Variants in BTBD1 observed in about 807,000 individuals in gnomAD.
The protein encoded by BTBD1 is BTB/POZ domain-containing protein 1.
BTBD1 carries 34 observed loss-of-function variants against 48.0 expected under a neutral mutation model. The ratio of observed to expected loss-of-function variants is 0.71; its 90% CI spans 0.54 to 0.94. The LOEUF is 0.94. Among genes scored for constraint, BTBD1 ranks in the 40% least tolerant of loss-of-function variants. The pLI is 0.00. For missense variants in BTBD1, 543 were observed against 625.6 expected, an observed-to-expected ratio of 0.87 and a Z score of 1.41; for synonymous variants, 261 against 242.1, an observed-to-expected ratio of 1.08 and a Z score of -0.72.
At chr15:83,060,284 A>T (rs1046126319) in intron 1 of BTBD1, among the ~76,000 whole-genome samples, 1 of 138,082 alleles carries the variant, frequency 7.2e-6, no homozygotes, top group Non-Finnish European at 1.7e-5. Flanking sequence ...ATAATATTTA[A>T]AAAAAAACTA....
intron 6 of BTBD1, chr15:83,020,153 C>T (rs190580656): frequency 6.6e-6 from 1 of 152,510 alleles, no homozygotes; most frequent in Admixed American, 6.6e-5. Flanking sequence ...TACCTGTGGT[C>T]CTAGCTACTT....
rs767575976 is a variant in BTBD1 at position 83,018,072 on chromosome 15, T to C, written c.1444A>G (p.Thr482Ala). The C allele has an allele frequency of 8.1e-6, 13 of 1,600,078 alleles. No individual in the cohort carries two copies. The African/African-American group carries it at 1.1e-4, about 13-fold the overall frequency. Residue 482 changes from threonine to alanine, a missense_variant, in exon 8 of 8, where the codon ACA becomes GCA. Physicochemically the swap from Thr to Ala is moderately conservative, Grantham distance 58. Around this residue, in one of 3 missense-constraint regions of BTBD1, gnomAD observed 300 missense variants for 350.0 expected, o/e 0.86. Transcript: ENST00000261721. Reference sequence around the variant, plus strand: ...AGATGTATTATAATGCTAAATTATGTATAAAATATGATTTCTGGAATTTGT... The same window carrying C: ...AGATGTATTATAATGCTAAATTATGCATAAAATATGATTTCTGGAATTTGT... Reference protein sequence around the residue: ...DGQIPEIIFYT With the variant: ...DGQIPEIIFYA
At chr15:83,056,245 A>C in intron 2 of BTBD1, 144 bp downstream of exon 2, 4 of 566,376 alleles carry the variant, frequency 7.1e-6, no homozygotes, top group Non-Finnish European at 1.2e-5. Context: ...CATATCTGAC[A>C]TGTTTCCCTG....
chr15:83,051,486 ATATTTT>A (rs2032980500), intron 2 of BTBD1, among the ~76,000 whole-genome samples: 1 of 149,430 alleles, frequency 6.7e-6, no homozygotes, highest in East Asian at 1.9e-4. Context: ...ATATATATAT[ATATTTT>A]AAGTTTAAAA....
intron 7 of BTBD1, 126 bp from the exon 8 acceptor site, chr15:83,018,351 C>G (rs912791467): frequency 2.4e-6 from 2 of 827,516 alleles, no homozygotes; most frequent in African/African-American, 3.5e-5. Context: ...TTTATGCTGT[C>G]ATTTAGAGAA....
chr15:83,047,651 C>T (rs987270898), intron 3 of BTBD1, among the ~76,000 whole-genome samples: 3 of 152,160 alleles, frequency 2.0e-5, no homozygotes, highest in African/African-American at 7.2e-5. Flanking sequence ...ACACTTTCTC[C>T]CATCTGCCAG....
intron 6 of BTBD1, 115 bp downstream of exon 6, chr15:83,020,560 G>A: frequency 1.4e-6 from 1 of 692,702 alleles, no homozygotes; most frequent in East Asian, 2.6e-5. Context: ...GCTACTAAGG[G>A]GCCTTCTGAT....
rs1316750059 is a variant in BTBD1 at position 83,055,283 on chromosome 15, C to T, written c.558+1106G>A. Among the ~76,000 whole-genome samples the T allele has an allele frequency of 5.3e-5, 8 of 149,894 alleles. No individual in the cohort carries two copies. In the Admixed American group the frequency reaches 5.4e-4, roughly 10 times the overall value. On this transcript the variant is annotated intron_variant, in intron 2 of 7. Transcript: ENST00000261721. ...CGTGTACTTTCTTTTTTTGAGACAG[C>T]GTTTCCCTCTGTCACCCAAGCTGGA...
At chr15:83,065,176 T>C (rs761537242) in intron 1 of BTBD1, among the ~76,000 whole-genome samples, 1 of 152,374 alleles carries the variant, frequency 6.6e-6, no homozygotes, top group South Asian at 2.1e-4. Flanking sequence ...AATATTTTTG[T>C]ATGCAATTTG....
intron 2 of BTBD1, among the ~76,000 whole-genome samples, chr15:83,054,025 T>G (rs1283887654): frequency 6.6e-6 from 1 of 152,172 alleles, no homozygotes; most frequent in Non-Finnish European, 1.5e-5. Flanking sequence ...GCTTCCATTT[T>G]TCATCTTTAA....
chr15:83,062,796 C>G (rs576570959), intron 1 of BTBD1, among the ~76,000 whole-genome samples: 1 of 152,244 alleles, frequency 6.6e-6, no homozygotes, highest in Admixed American at 6.5e-5. Flanking sequence ...GAGCTGAGGA[C>G]TGAATACTGA....
At chr15:83,055,735 T>C (rs2033071349) in intron 2 of BTBD1, among the ~76,000 whole-genome samples, 1 of 152,222 alleles carries the variant, frequency 6.6e-6, no homozygotes, top group Non-Finnish European at 1.5e-5. Flanking sequence ...AAATATTCCA[T>C]CTTTATTCCA....
chr15:83,025,153 T>C (rs990112373), intron 5 of BTBD1, among the ~76,000 whole-genome samples: 2 of 151,880 alleles, frequency 1.3e-5, no homozygotes, highest in African/African-American at 2.4e-5. Context: ...CAGGAGTTCA[T>C]GACCAGCCTG....
At chr15:83,044,896 A>G in intron 3 of BTBD1, 1 of 641,894 alleles carries the variant, frequency 1.6e-6, no homozygotes, top group Non-Finnish European at 2.8e-6. Flanking sequence ...AACGTTTCAC[A>G]TGCAGCTATT....
intron 2 of BTBD1, among the ~76,000 whole-genome samples, chr15:83,052,049 C>T (rs1489287881): frequency 1.3e-5 from 2 of 152,068 alleles, no homozygotes; most frequent in Non-Finnish European, 2.9e-5. Context: ...CTCTACCTCC[C>T]AGGTTCAAGG....
At chr15:83,038,923 A>G (rs950848711) in intron 4 of BTBD1, among the ~76,000 whole-genome samples, 1 of 152,238 alleles carries the variant, frequency 6.6e-6, no homozygotes, top group Non-Finnish European at 1.5e-5. Context: ...TCAAACTATA[A>G]GAATCCTAGA....
At position 83,056,374 on chromosome 15, in the gene BTBD1, G is replaced by A. The variant is rs372413115; in HGVS notation, c.558+15C>T. ...TAAAACTACAATGATACATACCTTA[G>A]CTACATTTACTTACCTGAGTAAGTA... On this transcript the variant is annotated intron_variant, in intron 2 of 7. Transcript: ENST00000261721. 404 of 1,596,326 alleles carry A rather than the reference G, an allele frequency of 2.5e-4. 4 individuals carry two copies. The South Asian group carries it at 4.2e-3, about 16-fold the overall frequency.
At chr15:83,060,460 C>CA (rs10706509) in intron 1 of BTBD1, among the ~76,000 whole-genome samples, 15,983 of 110,962 alleles carry the variant, frequency 0.14, 853 homozygotes, top group Middle Eastern at 0.17. Flanking sequence ...TAATAATTTT[C>CA]AAAAAAAAAA....
intron 4 of BTBD1, among the ~76,000 whole-genome samples, chr15:83,036,103 C>CAAAAAAAAAAAAA (rs563839312): frequency 1.3e-5 from 1 of 75,120 alleles, no homozygotes; most frequent in Non-Finnish European, 2.5e-5. Flanking sequence ...GTATCATTAC[C>CAAAAAAAAAAAAA]AAAAAAAAAA....
Sources: allele counts gnomAD v4.1 joint callset (sites outside exome capture counted in the v4.1 genomes callset), GRCh38; gene constraint gnomAD v4.1.1; regional missense constraint gnomAD v4.1.1; transcripts MANE v1.5; gene names NCBI Gene and HGNC (gene_info 2026-07-23, HGNC 2026-07-21).